NEIL3: variants seen among roughly 807,000 people sequenced by gnomAD.
The protein encoded by NEIL3 is nei like DNA glycosylase 3.
A neutral mutation model predicts 57.5 loss-of-function variants in NEIL3; 48 were observed. The ratio of observed to expected loss-of-function variants is 0.83; its 90% CI spans 0.66 to 1.06. NEIL3 has a LOEUF of 1.06. NEIL3 is among the 50% of genes least tolerant of loss of function. The pLI, the probability that NEIL3 is intolerant of heterozygous loss-of-function variation, is 0.00. For synonymous variants in NEIL3, 261 were observed against 253.2 expected (o/e 1.03, Z -0.29); for missense variants, 717 against 739.1 (o/e 0.97, Z 0.35).
intron 5 of NEIL3, among the ~76,000 whole-genome samples, chr4:177,340,249 T>C (rs555796299): frequency 1.3e-5 from 2 of 152,320 alleles, no homozygotes; most frequent in African/African-American, 4.8e-5. Flanking sequence ...GCTTTGCCAC[T>C]TACTACTATC....
chr4:177,312,694 C>A (rs1734499740), intron 1 of NEIL3, among the ~76,000 whole-genome samples: 2 of 151,964 alleles, frequency 1.3e-5, no homozygotes, highest in African/African-American at 2.4e-5. Flanking sequence ...ATTTTTGATA[C>A]CTTGATAGAA....
chr4:177,352,299 TCTC>T (rs1735372400), intron 7 of NEIL3, among the ~76,000 whole-genome samples: 1 of 152,204 alleles, frequency 6.6e-6, no homozygotes, highest in African/African-American at 2.4e-5. Context: ...CTGTGCTGCA[TCTC>T]CTGTTTCCAT....
chr4:177,339,826 T>C lies in NEIL3; in HGVS notation c.671T>C (p.Met224Thr), dbSNP rs1735055473. 6.2e-7 allele frequency: 1 copy of C among 1,613,836 alleles called. No homozygotes were observed. The highest frequency in any genetic ancestry group is 8.5e-7 in the Non-Finnish European group (1 of 1,179,764). Reference sequence around the variant, plus strand: ...GAACAGATCCATCACCTCATGAAAATGATACGTGATTTCAGCATTCTCTTT... The same window carrying C: ...GAACAGATCCATCACCTCATGAAAACGATACGTGATTTCAGCATTCTCTTT... ...TDEQIHHLMKMIRDFSILFYR... is the reference protein window; with the variant it reads ...TDEQIHHLMKTIRDFSILFYR... The change falls in exon 5 of 10, where the codon ATG becomes ACG. Residue 224 changes from methionine to threonine, a missense_variant. Coordinates refer to ENST00000264596, the MANE Select transcript of NEIL3 (RefSeq NM_018248.3).
intron 1 of NEIL3, 55 bp downstream of exon 1, chr4:177,310,164 A>AC: frequency 6.9e-7 from 1 of 1,452,252 alleles, no homozygotes; most frequent in Non-Finnish European, 9.1e-7. Flanking sequence ...TGGAATAAAG[A>AC]CCCCATCAGG....
chr4:177,362,140 C>T (rs549778328), intron 9 of NEIL3, 149 bp from the exon 10 acceptor site: 40 of 468,004 alleles, frequency 8.5e-5, no homozygotes, highest in African/African-American at 4.4e-4. Flanking sequence ...TTTTTAAAGG[C>T]GACGACTAAT....
chr4:177,327,482 AG>A (rs1319422718), intron 2 of NEIL3, among the ~76,000 whole-genome samples: 3 of 152,190 alleles, frequency 2.0e-5, no homozygotes. Context: ...TTTGTTACAT[AG>A]GTGTACATGT....
At chr4:177,363,794 A>C (rs574199686), downstream of NEIL3, among the ~76,000 whole-genome samples, 19 of 152,216 alleles carry the variant, frequency 1.2e-4, no homozygotes, top group East Asian at 3.7e-3. Flanking sequence ...TCTGTCCCCC[A>C]GGCTGCAGTG....
intron 6 of NEIL3, 28 bp downstream of exon 6, chr4:177,341,670 A>G (rs1164498815): frequency 6.3e-7 from 1 of 1,588,542 alleles, no homozygotes; most frequent in Admixed American, 1.7e-5. Context: ...AAGGGATACC[A>G]TTTGCCCTAA....
At position 177,309,895 on chromosome 4, in the gene NEIL3, T is replaced by C; in HGVS notation, c.-59T>C. The C allele has an allele frequency of 1.3e-6, 2 of 1,555,898 alleles. No homozygotes were observed. Among genetic ancestry groups the C allele is most frequent in the Non-Finnish European group, 8.6e-7 (1 of 1,156,330 alleles). ...GGTCAGTGCCCGCGCAGCGTTGAGT[T>C]GCACAGCGGTATTCTCACCAGGCCC... On this transcript the variant is annotated 5_prime_UTR_variant, in exon 1 of 10. Transcript: ENST00000264596.
chr4:177,322,711 G>T, intron 2 of NEIL3, 131 bp downstream of exon 2: 2 of 987,664 alleles, frequency 2.0e-6, no homozygotes, highest in Non-Finnish European at 3.0e-6. Flanking sequence ...TCCAATATGA[G>T]AGGTTGTGAT....
chr4:177,367,217 TC>T (rs200276019), downstream of NEIL3, among the ~76,000 whole-genome samples: 14,735 of 151,990 alleles, frequency 0.097, 801 homozygotes, highest in South Asian at 0.17. Flanking sequence ...GTGATTTTTT[TC>T]TCATCATACC....
At chr4:177,332,694 G>A (rs995671182) in intron 2 of NEIL3, among the ~76,000 whole-genome samples, 5 of 151,996 alleles carry the variant, frequency 3.3e-5, no homozygotes, top group East Asian at 3.9e-4. Context: ...CTGGGGCTCC[G>A]GGGATTCTAA....
chr4:177,325,041 A>C (rs1734755411), intron 2 of NEIL3, among the ~76,000 whole-genome samples: 1 of 152,046 alleles, frequency 6.6e-6, no homozygotes, highest in African/African-American at 2.4e-5. Flanking sequence ...GATTTACATG[A>C]CTCTGGCTTT....
chr4:177,335,341 C>G (rs1175320674), intron 2 of NEIL3, among the ~76,000 whole-genome samples: 1 of 152,062 alleles, frequency 6.6e-6, no homozygotes, highest in African/African-American at 2.4e-5. Flanking sequence ...TGAGAAAATG[C>G]CAAGAGATGC....
At chr4:177,370,761 TGTG>T in the NEIL3 span, among the ~76,000 whole-genome samples, 7 of 151,864 alleles carry the variant, frequency 4.6e-5, no homozygotes, top group South Asian at 4.2e-4. Context: ...ACTAGTCTGG[TGTG>T]GTGGCGAGCA....
rs1374842787 is a variant in NEIL3, at chr4:177,336,263, T to A, written c.569T>A (p.Val190Glu). Reference protein sequence around the residue: ...VLMDQNVLPGVGNIIKNEALF... With the variant: ...VLMDQNVLPGEGNIIKNEALF... ...ATGGATCAGAACGTATTGCCTGGAG[T>A]AGGGAACATCATCAAAAATGAAGCT... The change falls in exon 4 of 10, where the codon GTA becomes GAA. Residue 190 changes from valine (V) to glutamate (E), a missense_variant. Coordinates refer to ENST00000264596, the MANE Select transcript of NEIL3 (RefSeq NM_018248.3). 6.2e-7 allele frequency: 1 copy of A among 1,614,012 alleles called. No individual in the cohort carries two copies. Among genetic ancestry groups the A allele is most frequent in the Non-Finnish European group, 8.5e-7 (1 of 1,180,024 alleles).
intron 1 of NEIL3, among the ~76,000 whole-genome samples, chr4:177,318,863 T>C (rs779305933): frequency 6.6e-5 from 10 of 152,194 alleles, no homozygotes; most frequent in African/African-American, 9.7e-5. Context: ...CTGGTTTTAG[T>C]TGTTTTATTT....
At chr4:177,368,807 G>A in the NEIL3 span, among the ~76,000 whole-genome samples, 3 of 151,804 alleles carry the variant, frequency 2.0e-5, no homozygotes, top group Non-Finnish European at 4.4e-5. Context: ...CCTTTTTTTG[G>A]TATTTTCTAG....
At chr4:177,327,021 TG>T (rs1734794846) in intron 2 of NEIL3, among the ~76,000 whole-genome samples, 1 of 152,162 alleles carries the variant, frequency 6.6e-6, no homozygotes, top group Non-Finnish European at 1.5e-5. Flanking sequence ...GACTGGATCA[TG>T]GGGGCTGTTT....
Sources: gnomAD v4.1 joint callset for allele counts (sites outside exome capture counted in the v4.1 genomes callset) on GRCh38, gnomAD v4.1.1 for gene constraint, MANE v1.5 for transcripts, NCBI Gene and HGNC (gene_info 2026-07-23, HGNC 2026-07-21) for gene names.